The following ZNRF3 variants were observed in gnomAD, a reference collection of about 807,000 sequenced individuals.
ZNRF3 encodes the protein E3 ubiquitin-protein ligase ZNRF3.
In ZNRF3, 23 loss-of-function variants were observed where a neutral mutation model predicts 72.5. That is an observed-to-expected ratio of 0.32 (90% CI 0.23 to 0.45). The LOEUF (loss-of-function observed/expected upper bound fraction) is 0.45, where lower values mean the gene tolerates loss of function less well. ZNRF3 is among the 20% of genes least tolerant of loss of function. The probability of loss-of-function intolerance (pLI) is 1.00; values close to 1 mark genes in which losing one functional copy is unlikely to be tolerated. For missense variants in ZNRF3, 1,169 were observed against 1,272.1 expected, an observed-to-expected ratio of 0.92 and a Z score of 1.23; for synonymous variants, 610 against 545.3, an observed-to-expected ratio of 1.12 and a Z score of -1.65.
At chr22:29,043,643 ACTTTTGTG>A (rs1404843008) in intron 4 of ZNRF3, among the ~76,000 whole-genome samples, 1 of 152,122 alleles carries the variant, frequency 6.6e-6, no homozygotes, top group African/African-American at 2.4e-5. Context: ...AGAAATAGAT[ACTTTTGTG>A]CTAAGATGTC....
intron 2 of ZNRF3, among the ~76,000 whole-genome samples, chr22:29,021,899 T>C (rs1489014959): frequency 6.6e-6 from 1 of 151,790 alleles, no homozygotes; most frequent in African/African-American, 2.4e-5. Flanking sequence ...CACACACACA[T>C]GCACACACAC....
At chr22:28,958,219 A>G (rs1033686773) in intron 1 of ZNRF3, among the ~76,000 whole-genome samples, 1 of 152,184 alleles carries the variant, frequency 6.6e-6, no homozygotes, top group African/African-American at 2.4e-5. Flanking sequence ...TCTTCTGTCC[A>G]CTTGTTAATA....
At chr22:28,942,712 A>G (rs1391226413) in intron 1 of ZNRF3, among the ~76,000 whole-genome samples, 2 of 152,174 alleles carry the variant, frequency 1.3e-5, no homozygotes, top group East Asian at 3.8e-4. Flanking sequence ...TCCACTTAAG[A>G]GCTGCAAACT....
chr22:28,912,710 G>A (rs1008159933), intron 1 of ZNRF3, among the ~76,000 whole-genome samples: 1 of 145,448 alleles, frequency 6.9e-6, no homozygotes, highest in Non-Finnish European at 1.5e-5. Context: ...TGTTGCCCAG[G>A]CTGGAGTGCA....
Position 29,035,325 on chromosome 22 carries a change from A to AT in ZNRF3, c.427-7169dup, listed in dbSNP as rs1324113654. Among the ~76,000 whole-genome samples the AT allele has an allele frequency of 3.9e-5, 6 of 152,344 alleles. 1 individual carries two copies. The South Asian group carries it at 8.3e-4, about 21-fold the overall frequency. ...TATTAAGGACAGATGCCTCCAGAAT[A>AT]TGAGTACAAGGATATGAATACAGCA... On this transcript the variant is annotated intron_variant, in intron 2 of 8. Coordinates refer to ENST00000544604, the MANE Select transcript of ZNRF3 (RefSeq NM_001206998.2).
chr22:28,935,489 C>T (rs928393967), intron 1 of ZNRF3, among the ~76,000 whole-genome samples: 8 of 152,266 alleles, frequency 5.3e-5, no homozygotes, highest in Non-Finnish European at 8.8e-5. Flanking sequence ...TCTCTCATTC[C>T]GGGTTCTTTG....
chr22:28,910,031 C>A (rs2123759949), intron 1 of ZNRF3, among the ~76,000 whole-genome samples: 1 of 151,754 alleles, frequency 6.6e-6, no homozygotes, highest in Non-Finnish European at 1.5e-5. Flanking sequence ...CTCACTTTCT[C>A]CATTAACTTT....
intron 1 of ZNRF3, among the ~76,000 whole-genome samples, chr22:28,961,914 T>C (rs1470656609): frequency 6.6e-6 from 1 of 152,230 alleles, no homozygotes; most frequent in African/African-American, 2.4e-5. Flanking sequence ...AACTAAATCT[T>C]TTAAAAACAA....
chr22:28,921,037 A>G (rs1409234368), intron 1 of ZNRF3, among the ~76,000 whole-genome samples: 2 of 152,210 alleles, frequency 1.3e-5, no homozygotes, highest in Non-Finnish European at 2.9e-5. Context: ...AACAGGAGGG[A>G]AGATGAAAGG....
At chr22:28,915,578 C>G (rs1601553346) in intron 1 of ZNRF3, among the ~76,000 whole-genome samples, 1 of 152,138 alleles carries the variant, frequency 6.6e-6, no homozygotes, top group African/African-American at 2.4e-5. Context: ...CCAGTTCTTT[C>G]CGTTCTTTAT....
In ZNRF3 at chr22:29,043,503, C is replaced by T; in HGVS notation, c.633+73C>T. ...TACCTGTCCCTTTATTTCCCTTGGG[C>T]TTTCATTCCTATCTCTGTCTGAAAT... On this transcript the variant is annotated intron_variant, in intron 4 of 8. Transcript: ENST00000544604. 2.6e-6 allele frequency: 4 copies of T among 1,554,304 alleles called. No homozygotes were observed. In the East Asian group the frequency reaches 9.1e-5, roughly 35 times the overall value.
At chr22:29,024,270 C>A (rs1362617788) in intron 2 of ZNRF3, among the ~76,000 whole-genome samples, 3 of 138,146 alleles carry the variant, frequency 2.2e-5, no homozygotes, top group Non-Finnish European at 4.6e-5. Context: ...TAATGACTTT[C>A]AAAGGCATTA....
intron 2 of ZNRF3, among the ~76,000 whole-genome samples, chr22:29,038,297 T>C (rs76927858): frequency 1.3e-5 from 2 of 151,476 alleles, no homozygotes; most frequent in South Asian, 4.2e-4. Flanking sequence ...AAACTGAAAA[T>C]AAGGGCAGGG....
At chr22:28,965,776 AG>A (rs1366868488) in intron 1 of ZNRF3, among the ~76,000 whole-genome samples, 1 of 152,188 alleles carries the variant, frequency 6.6e-6, no homozygotes, top group Non-Finnish European at 1.5e-5. Flanking sequence ...AAACTTCAAA[AG>A]CTGTCTCATA....
At chr22:29,051,603 T>TAAA (rs1212194016) in intron 8 of ZNRF3, among the ~76,000 whole-genome samples, 2 of 105,022 alleles carry the variant, frequency 1.9e-5, no homozygotes, top group African/African-American at 7.4e-5. Context: ...GACTCTGTCT[T>TAAA]AAAAAAAAAA....
intron 1 of ZNRF3, among the ~76,000 whole-genome samples, chr22:28,959,658 A>T (rs1204482821): frequency 6.6e-6 from 1 of 152,174 alleles, no homozygotes; most frequent in Non-Finnish European, 1.5e-5. Context: ...TCATTTCTCT[A>T]CCAAATTCTT....
chr22:29,034,860 C>T (rs73882442), intron 2 of ZNRF3, among the ~76,000 whole-genome samples: 7,690 of 152,142 alleles, frequency 0.051, 420 homozygotes, highest in African/African-American at 0.13. Context: ...CGCTTGCTGC[C>T]GGCTGCTGTA....
chr22:29,040,248 C>T (rs969536106), intron 2 of ZNRF3, among the ~76,000 whole-genome samples: 2 of 151,724 alleles, frequency 1.3e-5, no homozygotes, highest in East Asian at 3.9e-4. Flanking sequence ...GGTGCGATCT[C>T]GGCTCATTAC....
rs950204637 is a variant in ZNRF3 at position 28,933,802 on chromosome 22, C to T, written c.300+49736C>T. On this transcript the variant is annotated intron_variant, in intron 1 of 8. Coordinates refer to ENST00000544604, the MANE Select transcript of ZNRF3 (RefSeq NM_001206998.2). ...CTCCCCTCCCTCCTCCCTCCTCCCCCTCCCCCTCATCTGGGTCTGAGGAAG... is the reference window on the plus strand; with the variant it reads ...CTCCCCTCCCTCCTCCCTCCTCCCCTTCCCCCTCATCTGGGTCTGAGGAAG... Among the ~76,000 whole-genome samples the T allele has an allele frequency of 1.3e-4, 19 of 148,760 alleles. 1 individual carries two copies. Among genetic ancestry groups the T allele is most frequent in the Middle Eastern group, 6.8e-3 (2 of 292 alleles).
Sources: gnomAD v4.1 joint callset for allele counts (sites outside exome capture counted in the v4.1 genomes callset) on GRCh38, gnomAD v4.1.1 for gene constraint, MANE v1.5 for transcripts, NCBI Gene and HGNC (gene_info 2026-07-23, HGNC 2026-07-21) for gene names.